Variants in NCKAP1 observed in about 807,000 individuals in gnomAD.
NCKAP1 encodes the protein nck-associated protein 1.
Under a neutral mutation model 151.2 loss-of-function variants are expected in NCKAP1, and 21 were observed. The ratio of observed to expected loss-of-function variants is 0.14; its 90% confidence interval spans 0.10 to 0.20. The LOEUF (loss-of-function observed/expected upper bound fraction) is 0.20, where lower values mean the gene tolerates loss of function less well. Among genes scored for constraint, NCKAP1 ranks in the 10% least tolerant of loss-of-function variants. NCKAP1 has a pLI of 1.00. For missense variants in NCKAP1, 933 were observed against 1,352.1 expected, an observed-to-expected ratio of 0.69 and a Z score of 4.86; for synonymous variants, 484 against 451.8, an observed-to-expected ratio of 1.07 and a Z score of -0.90.
chr2:183,023,712 T>C (rs1471277600), intron 2 of NCKAP1, 94 bp downstream of exon 2: 1 of 938,678 alleles, frequency 1.1e-6, no homozygotes, highest in African/African-American at 1.7e-5. Context: ...ATGTTAAAAA[T>C]TAGGTAAATA....
Position 182,983,315 on chromosome 2 carries a change from A to T in NCKAP1, c.1072T>A (p.Ser358Thr), listed in dbSNP as rs748280586. 1.4e-5 allele frequency: 23 copies of T among 1,612,522 alleles called. No homozygotes were observed. Among genetic ancestry groups the T allele is most frequent in the Non-Finnish European group, 1.9e-5 (22 of 1,178,628 alleles). The change falls in exon 11 of 31, where the codon TCT (serine) becomes ACT (threonine). Residue 358 changes from serine (S) to threonine (T), a missense_variant. Coordinates refer to ENST00000361354, the MANE Select transcript of NCKAP1 (RefSeq NM_013436.5). Reference sequence around the variant, plus strand: ...GGACCTAGCAATCCAGGTTGATCAGAGAGGACAGTAGCCAATTCCTTCAGT... The same window carrying T: ...GGACCTAGCAATCCAGGTTGATCAGTGAGGACAGTAGCCAATTCCTTCAGT... ...SALKELATVL[S>T]DQPGLLGPKA...
At chr2:183,014,499 C>T (rs776893027) in intron 2 of NCKAP1, among the ~76,000 whole-genome samples, 7 of 152,110 alleles carry the variant, frequency 4.6e-5, no homozygotes, top group African/African-American at 7.2e-5. Flanking sequence ...AATATATTTT[C>T]CTTAGGTTCT....
Position 182,916,018 on chromosome 2 carries a change from T to C in NCKAP1, c.*9684A>G, listed in dbSNP as rs980777066. ...CATCCCAGACAAGTGATTTGTCTCA[T>C]TGGGAGAAATCTTAGAAACCATGTC... On this transcript the variant is annotated 3_prime_UTR_variant, in exon 31 of 31. Transcript: ENST00000361354. The C allele has an allele frequency of 6.6e-5, 10 of 152,140 alleles. No homozygotes were observed. Among genetic ancestry groups the C allele is most frequent in the African/African-American group, 2.4e-4 (10 of 41,502 alleles). 9.4% of individuals were successfully genotyped at this position (152,140 alleles called of 1,614,324 possible).
chr2:182,976,783 A>G (rs570206759), intron 15 of NCKAP1, 110 bp downstream of exon 15: 13 of 525,042 alleles, frequency 2.5e-5, no homozygotes, highest in Non-Finnish European at 3.9e-5. Context: ...TAATTATACA[A>G]AAGAAATATT....
chr2:183,009,475 G>GAAGGAAGGAAGGAAGGTAGCAAGC (rs1485338665), intron 2 of NCKAP1, among the ~76,000 whole-genome samples: 20 of 100,288 alleles, frequency 2.0e-4, no homozygotes, highest in African/African-American at 6.5e-4. Flanking sequence ...AGGAAGGAAG[G>GAAGGAAGGAAGGAAGGTAGCAAGC]AAGCAAGCAA....
chr2:183,004,774 C>A (rs982210143), intron 2 of NCKAP1, among the ~76,000 whole-genome samples: 3 of 151,692 alleles, frequency 2.0e-5, no homozygotes, highest in Non-Finnish European at 2.9e-5. Context: ...ATCCCAGCTA[C>A]TCAGGAGGCT....
At chr2:183,017,877 G>T (rs1349474058) in intron 2 of NCKAP1, among the ~76,000 whole-genome samples, 1 of 152,174 alleles carries the variant, frequency 6.6e-6, no homozygotes, top group Non-Finnish European at 1.5e-5. Flanking sequence ...AGAGCAATTT[G>T]TCACACACTG....
At chr2:182,957,343 T>A in intron 19 of NCKAP1, 114 bp downstream of exon 19, 1 of 1,133,812 alleles carries the variant, frequency 8.8e-7, no homozygotes, top group East Asian at 2.7e-5. Context: ...TTAAAATGGC[T>A]GGAAAATGAA....
chr2:182,931,265 A>G (rs1283666550), intron 26 of NCKAP1, among the ~76,000 whole-genome samples: 4 of 152,096 alleles, frequency 2.6e-5, no homozygotes, highest in African/African-American at 4.8e-5. Flanking sequence ...TAAAAATCTG[A>G]TAAGGGAATT....
intron 2 of NCKAP1, among the ~76,000 whole-genome samples, chr2:183,005,613 T>C (rs565389949): frequency 3.3e-5 from 5 of 152,296 alleles, no homozygotes; most frequent in East Asian, 3.9e-4. Flanking sequence ...AAGCCATATA[T>C]AACTAGACTC....
chr2:182,986,249 A>G, intron 9 of NCKAP1, 22 bp from the exon 10 acceptor site: 1 of 1,585,666 alleles, frequency 6.3e-7, no homozygotes, highest in Non-Finnish European at 8.7e-7. Context: ...AACAAATTAG[A>G]ACGTTAGTTT....
intron 26 of NCKAP1, among the ~76,000 whole-genome samples, chr2:182,933,059 T>A (rs1696798573): frequency 1.3e-5 from 2 of 152,204 alleles, no homozygotes; most frequent in South Asian, 4.1e-4. Flanking sequence ...CAGATTATAT[T>A]CAACTCCACA....
intron 9 of NCKAP1, among the ~76,000 whole-genome samples, chr2:182,988,527 C>A (rs1416174938): frequency 1.3e-5 from 2 of 151,938 alleles, no homozygotes; most frequent in Non-Finnish European, 2.9e-5. Context: ...ATTTGCTGAA[C>A]TGGAAATAAA....
intron 1 of NCKAP1, among the ~76,000 whole-genome samples, chr2:183,029,399 A>G (rs1371558429): frequency 2.0e-5 from 3 of 152,070 alleles, no homozygotes; most frequent in Non-Finnish European, 4.4e-5. Context: ...ATAGGATTAC[A>G]TACCACAGCT....
chr2:182,929,404 G>T (rs1446882120), intron 27 of NCKAP1, among the ~76,000 whole-genome samples: 1 of 151,850 alleles, frequency 6.6e-6, no homozygotes, highest in African/African-American at 2.4e-5. Context: ...AGTGGAATGG[G>T]TTTTCAACCT....
At position 182,982,918 on chromosome 2, in the gene NCKAP1, C is replaced by T. The variant is rs1335294243; in HGVS notation, c.1111G>A (p.Val371Ile). Residue 371 changes from valine (V) to isoleucine (I), a missense_variant, in exon 12 of 31, where the codon GTT becomes ATT. By Grantham distance (29) the Val-to-Ile change is conservative. Around this residue, in one of 2 missense-constraint regions of NCKAP1, gnomAD observed 607 missense variants for 795.0 expected, o/e 0.76. Transcript: ENST00000361354. ...CGGGCAAAGGATAATGCCATAAAAA[C>T]AAAAAGTGCCTGTTTAAAAAAAAGT... ...PGLLGPKALF[V>I]FMALSFARDE... The T allele has an allele frequency of 1.8e-5, 28 of 1,592,448 alleles. No homozygotes were observed. The highest frequency in any genetic ancestry group is 2.3e-5 in the Non-Finnish European group (27 of 1,171,580).
At chr2:182,961,626 G>A (rs916552876) in intron 18 of NCKAP1, among the ~76,000 whole-genome samples, 3 of 152,126 alleles carry the variant, frequency 2.0e-5, no homozygotes, top group Non-Finnish European at 4.4e-5. Flanking sequence ...TATACCTAAT[G>A]TTAAATGACG....
At chr2:182,926,982 C>A in intron 29 of NCKAP1, 77 bp from the exon 30 acceptor site, 4 of 938,132 alleles carry the variant, frequency 4.3e-6, no homozygotes, top group Non-Finnish European at 5.0e-6. Context: ...TATGTTTCAA[C>A]TTCCAACACA....
chr2:182,999,761 T>C (rs1488080227), intron 6 of NCKAP1, among the ~76,000 whole-genome samples: 1 of 152,116 alleles, frequency 6.6e-6, no homozygotes, highest in African/African-American at 2.4e-5. Context: ...CAGGTGCCCA[T>C]CAACACTGGA....
Sources: gnomAD v4.1 joint callset for allele counts (sites outside exome capture counted in the v4.1 genomes callset) on GRCh38, gnomAD v4.1.1 for gene constraint, gnomAD v4.1.1 regional missense constraint, MANE v1.5 for transcripts, NCBI Gene and HGNC (gene_info 2026-07-23, HGNC 2026-07-21) for gene names.